The following ACCS variants were observed in gnomAD, a reference collection of about 807,000 sequenced individuals.
ACCS encodes the protein 1-aminocyclopropane-1-carboxylate synthase-like protein 1.
ACCS carries 42 observed loss-of-function variants against 59.8 expected under a neutral mutation model. That is an observed-to-expected ratio of 0.70 (90% CI 0.55 to 0.91). ACCS has a LOEUF of 0.91. ACCS is among the 40% of genes least tolerant of loss of function. The pLI is 0.00. For missense variants in ACCS, 602 were observed against 630.4 expected (o/e 0.95, Z 0.48); for synonymous variants, 230 against 240.3 (o/e 0.96, Z 0.40).
At chr11:44,069,525 G>A (rs560061156) in intron 2 of ACCS, among the ~76,000 whole-genome samples, 4 of 152,232 alleles carry the variant, frequency 2.6e-5, no homozygotes, top group South Asian at 2.1e-4. Context: ...CCAAGCCACC[G>A]TGCCAGTCCA....
chr11:44,081,718 T>G (rs1169142628), intron 12 of ACCS, among the ~76,000 whole-genome samples: 1 of 152,154 alleles, frequency 6.6e-6, no homozygotes, highest in Non-Finnish European at 1.5e-5. Context: ...GCCTGTAATT[T>G]CAGCACTTTG....
chr11:44,078,621 T>C, intron 8 of ACCS, 63 bp from the exon 9 acceptor site: 1 of 1,490,360 alleles, frequency 6.7e-7, no homozygotes, highest in South Asian at 1.1e-5. Flanking sequence ...CAGCCCCCTT[T>C]GACTGTGTGG....
At position 44,078,746 on chromosome 11, in the gene ACCS, C is replaced by T. The variant is rs995694972; in HGVS notation, c.795C>T (p.Ser265=). Reference sequence around the variant, plus strand: ...AGAACCCTCTGGGTGATGTATACTCCCCTGAAGAGCTACAGGAGTACCTGG... The same window carrying T: ...AGAACCCTCTGGGTGATGTATACTCTCCTGAAGAGCTACAGGAGTACCTGG... ...SPQNPLGDVY[S]PEELQEYLVF... Residue 265 remains serine, a synonymous_variant, in exon 9 of 15, where the codon TCC becomes TCT. Coordinates refer to ENST00000263776, the MANE Select transcript of ACCS (RefSeq NM_032592.4). 6.8e-6 allele frequency: 11 copies of T among 1,614,088 alleles called. No individual in the cohort carries two copies. Among genetic ancestry groups the T allele is most frequent in the Non-Finnish European group, 8.5e-6 (10 of 1,180,010 alleles).
At chr11:44,071,725 G>A (rs1195562639) in intron 3 of ACCS, 11 of 165,748 alleles carry the variant, frequency 6.6e-5, no homozygotes, top group Non-Finnish European at 6.6e-5. Context: ...ATCACTGCAG[G>A]CAGAGTTGGA....
Position 44,081,282 on chromosome 11 carries a change from T to A in ACCS, c.1073T>A (p.Leu358Ter). ...TGCCGCTACCACGGCCTCAGTGGCT[T>A]GGTCCAGTACCAGATGGCACAGCTG... ...SLCRYHGLSG[L>*]VQYQMAQLLR... is the part of the protein sequence containing the mutation. Residue 358 changes from leucine (L) to a stop codon, truncating the protein, a stop_gained, in exon 12 of 15, where the codon TTG (leucine) becomes TAG (stop). Transcript: ENST00000263776. LOFTEE classifies it high-confidence loss of function. 1 of 1,614,274 alleles carries A rather than the reference T, an allele frequency of 6.2e-7. No individual in the cohort carries two copies. Among genetic ancestry groups the A allele is most frequent in the Admixed American group, 1.7e-5 (1 of 60,036 alleles).
rs1952797078 is a variant in ACCS, at chr11:44,066,368, T to G, written c.-334T>G. The G allele has an allele frequency of 6.6e-6, 1 of 152,132 alleles. No individual in the cohort carries two copies. The highest frequency in any genetic ancestry group is 1.5e-5 in the Non-Finnish European group (1 of 68,056). The allele number at this position is 152,132 out of a possible 1,614,324, so 9.4% of individuals were successfully genotyped here. ...TGCAGAGGAGGAAGCCGTTCAGGCC[T>G]CCCTCTGTGCACTTTGCAAAAGCCT... On this transcript the variant is annotated 5_prime_UTR_variant, in exon 1 of 15. Transcript: ENST00000263776.
At chr11:44,073,263 G>C in intron 3 of ACCS, 184 bp from the exon 4 acceptor site, 1 of 656,604 alleles carries the variant, frequency 1.5e-6, no homozygotes, top group South Asian at 1.7e-5. Flanking sequence ...CCTTGGCTGA[G>C]TGACCTCACT....
chr11:44,077,169 A>G (rs1953405484), intron 6 of ACCS, 110 bp from the exon 7 acceptor site: 5 of 1,246,858 alleles, frequency 4.0e-6, no homozygotes, highest in Non-Finnish European at 5.5e-6. Context: ...GTATGCCCCA[A>G]ACGGTCCCCA....
At position 44,074,649 on chromosome 11, in the gene ACCS, T is replaced by C; in HGVS notation, c.457T>C (p.Cys153Arg). 1 of 1,613,726 alleles carries C rather than the reference T, an allele frequency of 6.2e-7. No individual in the cohort carries two copies. The highest frequency in any genetic ancestry group is 1.1e-5 in the South Asian group (1 of 90,980). ...AGTGGCCAAGTTCCTGTCTTTCTAC[T>C]GCAAGAGCCCAGTACCCCTCAGACC... ...EEVAKFLSFY[C>R]KSPVPLRPEN... The change falls in exon 5 of 15, where the codon TGC becomes CGC. Residue 153 changes from cysteine to arginine, a missense_variant. Physicochemically the swap from Cys to Arg is radical, Grantham distance 180. Transcript: ENST00000263776.
intron 13 of ACCS, 37 bp from the exon 14 acceptor site, chr11:44,083,387 G>A: frequency 2.5e-6 from 4 of 1,613,682 alleles, no homozygotes; most frequent in Non-Finnish European, 3.4e-6. Context: ...TTGGTGAGGG[G>A]TCTCAGCTAT....
intron 2 of ACCS, among the ~76,000 whole-genome samples, chr11:44,069,036 C>T (rs1952920704): frequency 6.6e-6 from 1 of 152,064 alleles, no homozygotes; most frequent in African/African-American, 2.4e-5. Flanking sequence ...AGAAGGAGGT[C>T]ACAGAAGGCT....
chr11:44,081,405 T>A (rs1228051938), intron 12 of ACCS, 85 bp downstream of exon 12: 1 of 1,556,106 alleles, frequency 6.4e-7, no homozygotes, highest in African/African-American at 1.4e-5. Context: ...ATACTTCTCC[T>A]ATGAGAATAA....
At chr11:44,071,210 C>G in intron 2 of ACCS, 46 bp from the exon 3 acceptor site, 1 of 1,609,118 alleles carries the variant, frequency 6.2e-7, no homozygotes, top group Non-Finnish European at 8.5e-7. Context: ...CTTTCACTGG[C>G]ACCCCCCTGC....
intron 2 of ACCS, among the ~76,000 whole-genome samples, chr11:44,069,846 C>T (rs1247376223): frequency 1.3e-5 from 2 of 152,178 alleles, no homozygotes; most frequent in South Asian, 2.1e-4. Context: ...ATCACATCTG[C>T]CTATTCTGTT....
Position 44,083,273 on chromosome 11 carries a change from C to T in ACCS, c.1216C>T (p.Arg406Cys), listed in dbSNP as rs183590925. The T allele has an allele frequency of 9.5e-5, 153 of 1,614,126 alleles. No homozygotes were observed. Among genetic ancestry groups the T allele is most frequent in the African/African-American group, 6.1e-4 (46 of 75,030 alleles). Residue 406 changes from arginine (R) to cysteine (C), a missense_variant, in exon 13 of 15, where the codon CGT (arginine) becomes TGT (cysteine). Transcript: ENST00000263776. ...LRALGIPFLS[R>C]GAGFFIWVDL... ...GGCATTGGGGATCCCCTTCTTGAGT[C>T]GTGGGGCTGGCTTCTTCATCTGGGT...
chr11:44,076,528 A>C (rs1292548284), intron 6 of ACCS, among the ~76,000 whole-genome samples: 3 of 152,204 alleles, frequency 2.0e-5, no homozygotes, highest in Non-Finnish European at 4.4e-5. Flanking sequence ...TATAATAGGG[A>C]ATTTCCTGCC....
rs773340317 is a variant in ACCS, at chr11:44,077,271, GC to G, written c.557-3del. The G allele has an allele frequency of 6.2e-7, 1 of 1,613,054 alleles. No homozygotes were observed. The highest frequency in any genetic ancestry group is 1.7e-5 in the Admixed American group (1 of 59,940). On this transcript the variant is annotated splice_polypyrimidine_tract_variant and splice_region_variant and intron_variant, in intron 6 of 14. Coordinates refer to ENST00000263776, the MANE Select transcript of ACCS (RefSeq NM_032592.4). ...AAGTGACAGGCCCTCGCCCACTCCT[GC>G]CCCCAGAGGCTTTCCTGATCCCCAC...
chr11:44,077,730 G>A (rs1406267444), intron 7 of ACCS, 115 bp from the exon 8 acceptor site: 10 of 1,477,454 alleles, frequency 6.8e-6, no homozygotes, highest in Non-Finnish European at 9.0e-6. Context: ...CTTTTCCAGA[G>A]ACTCTTCTGA....
chr11:44,075,130 C>T (rs1196589431), intron 5 of ACCS, among the ~76,000 whole-genome samples: 4 of 152,102 alleles, frequency 2.6e-5, no homozygotes, highest in Admixed American at 1.3e-4. Context: ...GGCCTCCATT[C>T]CCCATCTTTG....
Sources: gnomAD v4.1 joint callset for allele counts (sites outside exome capture counted in the v4.1 genomes callset) on GRCh38, gnomAD v4.1.1 for gene constraint, MANE v1.5 for transcripts, NCBI Gene and HGNC (gene_info 2026-07-23, HGNC 2026-07-21) for gene names.